PPP2R2B: variants seen among roughly 807,000 people sequenced by gnomAD.
The protein encoded by PPP2R2B is protein phosphatase 2 regulatory subunit Bbeta, also known as serine/threonine-protein phosphatase 2A 55 kDa regulatory subunit B beta isoform.
Under a neutral mutation model 46.0 loss-of-function variants are expected in PPP2R2B, and 5 were observed. The observed-to-expected ratio is 0.11, with a 90% CI of 0.06 to 0.23. The LOEUF is 0.23. Ranked by LOEUF, PPP2R2B falls within the 10% of genes least tolerant of loss-of-function variation. The pLI, the probability that PPP2R2B is intolerant of heterozygous loss-of-function variation, is 1.00. For missense variants in PPP2R2B, 367 were observed against 575.0 expected, an observed-to-expected ratio of 0.64 and a Z score of 3.70; for synonymous variants, 215 against 206.7, an observed-to-expected ratio of 1.04 and a Z score of -0.34.
chr5:146,784,659 G>A (rs1487718588), intron 2 of PPP2R2B, among the ~76,000 whole-genome samples: 3 of 152,158 alleles, frequency 2.0e-5, no homozygotes, highest in South Asian at 4.1e-4. Flanking sequence ...GCTAGTTCAA[G>A]TTGGTAAACA....
intron 1 of PPP2R2B, among the ~76,000 whole-genome samples, chr5:146,910,000 A>C (rs910812355): frequency 1.3e-5 from 2 of 152,210 alleles, no homozygotes; most frequent in Admixed American, 1.3e-4. Flanking sequence ...CTTAAAATTA[A>C]TAGGAAAAAC....
At chr5:146,955,509 C>T (rs1026828712) in intron 1 of PPP2R2B, among the ~76,000 whole-genome samples, 5 of 152,098 alleles carry the variant, frequency 3.3e-5, no homozygotes, top group Non-Finnish European at 7.4e-5. Context: ...CCTGAAGTAT[C>T]AATTTTACAG....
chr5:147,040,710 C>T (rs1321882411), intron 1 of PPP2R2B: 2 of 444,674 alleles, frequency 4.5e-6, no homozygotes, highest in Admixed American at 2.5e-5. Context: ...AGGAAGGTAG[C>T]ACTTACGAGA....
At chr5:146,781,448 T>C (rs1755525482) in intron 2 of PPP2R2B, among the ~76,000 whole-genome samples, 1 of 151,710 alleles carries the variant, frequency 6.6e-6, no homozygotes, top group Admixed American at 6.6e-5. Context: ...GTGTAGTCAC[T>C]CGACCACCTG....
chr5:146,825,217 C>T (rs1758505617), intron 2 of PPP2R2B, among the ~76,000 whole-genome samples: 1 of 152,146 alleles, frequency 6.6e-6, no homozygotes, highest in African/African-American at 2.4e-5. Flanking sequence ...TGGAACAACC[C>T]TTCAGAGGGT....
intron 2 of PPP2R2B, among the ~76,000 whole-genome samples, chr5:146,774,389 C>G (rs1755047318): frequency 6.6e-6 from 1 of 152,024 alleles, no homozygotes; most frequent in East Asian, 1.9e-4. Flanking sequence ...GACCAAATGT[C>G]AGAAAGGTTC....
intron 2 of PPP2R2B, among the ~76,000 whole-genome samples, chr5:146,838,715 C>T (rs193056138): frequency 2.0e-5 from 3 of 152,238 alleles, no homozygotes; most frequent in Non-Finnish European, 4.4e-5. Flanking sequence ...AAGTGATATG[C>T]TAACACATTA....
chr5:146,784,096 A>G (rs1043016008), intron 2 of PPP2R2B, among the ~76,000 whole-genome samples: 4 of 152,152 alleles, frequency 2.6e-5, no homozygotes, highest in African/African-American at 4.8e-5. Flanking sequence ...GCTGGTTAAC[A>G]TTTTACCCTT....
chr5:146,931,321 G>C (rs1763962778), intron 1 of PPP2R2B, among the ~76,000 whole-genome samples: 3 of 152,178 alleles, frequency 2.0e-5, no homozygotes, highest in African/African-American at 7.2e-5. Flanking sequence ...ATGGAGGTAA[G>C]AAGATTGCTG....
chr5:146,742,006 A>C (rs1413395682), intron 2 of PPP2R2B, among the ~76,000 whole-genome samples: 1 of 152,176 alleles, frequency 6.6e-6, no homozygotes, highest in African/African-American at 2.4e-5. Context: ...CCATTAGACT[A>C]TCTTCTTGTA....
chr5:147,057,355 T>G (rs1440353803), upstream of PPP2R2B, among the ~76,000 whole-genome samples: 1 of 152,126 alleles, frequency 6.6e-6, no homozygotes, highest in African/African-American at 2.4e-5. Flanking sequence ...GTCTGGTTTG[T>G]TTTTGTGGGT....
At chr5:146,794,132 A>C (rs1005816895) in intron 2 of PPP2R2B, among the ~76,000 whole-genome samples, 3 of 152,292 alleles carry the variant, frequency 2.0e-5, no homozygotes, top group South Asian at 2.1e-4. Context: ...TCTTAACTTC[A>C]CAAGTAGGAT....
intron 1 of PPP2R2B, among the ~76,000 whole-genome samples, chr5:146,988,186 C>T (rs570384171): frequency 2.0e-5 from 3 of 151,002 alleles, no homozygotes; most frequent in African/African-American, 7.2e-5. Flanking sequence ...AGTTCAACAC[C>T]CAACTTCAGC....
At chr5:146,865,234 A>G (rs894691392) in intron 2 of PPP2R2B, among the ~76,000 whole-genome samples, 65 of 152,210 alleles carry the variant, frequency 4.3e-4, no homozygotes, top group African/African-American at 1.6e-3. Context: ...CAAACCCTAT[A>G]GATGATGTTG....
intron 1 of PPP2R2B, among the ~76,000 whole-genome samples, chr5:146,923,109 T>G (rs565151429): frequency 6.6e-6 from 1 of 152,298 alleles, no homozygotes; most frequent in South Asian, 2.1e-4. Flanking sequence ...TTCCGCTACA[T>G]GAGAGTCTAA....
intron 1 of PPP2R2B, chr5:147,035,231 C>T: frequency 2.4e-6 from 1 of 423,138 alleles, no homozygotes; most frequent in Non-Finnish European, 4.7e-6. Context: ...GAAGGGGAAG[C>T]AAGGCACATC....
intron 1 of PPP2R2B, among the ~76,000 whole-genome samples, chr5:146,994,072 C>T (rs9325028): frequency 0.26 from 39,710 of 151,952 alleles, 5,974 homozygotes; most frequent in African/African-American, 0.4. Context: ...AGTCAAAAAA[C>T]CTCTTCTAGC....
intron 2 of PPP2R2B, among the ~76,000 whole-genome samples, chr5:146,773,492 T>C (rs249904): frequency 0.58 from 88,342 of 152,072 alleles, 27,515 homozygotes; most frequent in Non-Finnish European, 0.68. Context: ...CTTTTAGTAT[T>C]TGGTTGAAAC....
intron 2 of PPP2R2B, among the ~76,000 whole-genome samples, chr5:146,815,215 T>C (rs1056721678): frequency 1.6e-4 from 24 of 152,188 alleles, no homozygotes; most frequent in African/African-American, 5.8e-4. Flanking sequence ...GTGAACTGGA[T>C]TATGAAAGTT....
Sources: allele counts gnomAD v4.1 joint callset (sites outside exome capture counted in the v4.1 genomes callset), GRCh38; gene constraint gnomAD v4.1.1; transcripts MANE v1.5; gene names NCBI Gene and HGNC (gene_info 2026-07-23, HGNC 2026-07-21).